ANKRD17: variants seen among roughly 807,000 people sequenced by gnomAD.
The protein encoded by ANKRD17 is ankyrin repeat domain 17.
Under a neutral mutation model 229.7 loss-of-function variants are expected in ANKRD17, and 19 were observed. That is an observed-to-expected ratio of 0.08 (90% CI 0.06 to 0.12). The LOEUF (loss-of-function observed/expected upper bound fraction) is 0.12, where lower values mean the gene tolerates loss of function less well. Ranked by LOEUF, ANKRD17 falls within the 10% of genes least tolerant of loss-of-function variation. The probability of loss-of-function intolerance (pLI) is 1.00; values close to 1 mark genes in which losing one functional copy is unlikely to be tolerated. For missense variants in ANKRD17, 2,176 were observed against 3,176.8 expected (o/e 0.68, Z 7.57); for synonymous variants, 1,112 against 1,146.1 (o/e 0.97, Z 0.60).
chr4:73,154,391 G>A (rs1238870336), intron 5 of ANKRD17, among the ~76,000 whole-genome samples: 1 of 152,036 alleles, frequency 6.6e-6, no homozygotes, highest in Non-Finnish European at 1.5e-5. Flanking sequence ...AGTTGTAAAA[G>A]AACTGGGCAA....
At position 73,081,358 on chromosome 4, in the gene ANKRD17, A is replaced by AAG. The variant is rs371917704; in HGVS notation, c.7160-2470_7160-2469dup. Among the ~76,000 whole-genome samples the AAG allele has an allele frequency of 9.2e-3, 1,362 of 148,014 alleles. 17 individuals carry two copies. The highest frequency in any genetic ancestry group is 0.031 in the Middle Eastern group (9 of 290). ...ATGAGTGAGAGACCACAAATCCTCTAAGAGAGAGAGAGAGAGAGAATAGCT... is the reference window on the plus strand; with the variant it reads ...ATGAGTGAGAGACCACAAATCCTCTAAGAGAGAGAGAGAGAGAGAGAATAGCT... On this transcript the variant is annotated intron_variant, in intron 30 of 33. Transcript: ENST00000358602.
At chr4:73,148,727 A>G in intron 8 of ANKRD17, 86 bp downstream of exon 8, 1 of 1,207,894 alleles carries the variant, frequency 8.3e-7, no homozygotes, top group Non-Finnish European at 1.2e-6. Context: ...TCTACTAGAA[A>G]GGTGAAATAC....
intron 1 of ANKRD17, among the ~76,000 whole-genome samples, chr4:73,191,233 A>C (rs1177693537): frequency 1.3e-5 from 2 of 152,128 alleles, no homozygotes; most frequent in Non-Finnish European, 2.9e-5. Flanking sequence ...ATAAAGTGTG[A>C]TAAAGGTAAG....
chr4:73,073,785 T>C lies in ANKRD17; in HGVS notation c.*2446A>G, dbSNP rs964643968. ...TTGAAAAGGCATGAAATGTGGAATT[T>C]TGTTGGGAATGGATGGTATAAACTG... On this transcript the variant is annotated 3_prime_UTR_variant, in exon 34 of 34. Coordinates refer to ENST00000358602, the MANE Select transcript of ANKRD17 (RefSeq NM_032217.5). 3.9e-5 allele frequency: 6 copies of C among 151,974 alleles called. No homozygotes were observed. The highest frequency in any genetic ancestry group is 7.4e-5 in the Non-Finnish European group (5 of 67,862). The allele number at this position is 151,974 out of a possible 1,614,324, so 9.4% of individuals were successfully genotyped here.
chr4:73,221,003 T>C (rs530644988), intron 1 of ANKRD17, among the ~76,000 whole-genome samples: 1 of 152,254 alleles, frequency 6.6e-6, no homozygotes, highest in African/African-American at 2.4e-5. Context: ...AATGGTACAT[T>C]TATCTGCAAA....
At chr4:73,215,277 T>TC (rs977874786) in intron 1 of ANKRD17, among the ~76,000 whole-genome samples, 10 of 152,040 alleles carry the variant, frequency 6.6e-5, no homozygotes, top group Non-Finnish European at 1.0e-4. Context: ...TTTTTTTTTT[T>TC]TGAGATGGAG....
At chr4:73,169,299 G>A (rs1392177734) in intron 2 of ANKRD17, among the ~76,000 whole-genome samples, 1 of 152,060 alleles carries the variant, frequency 6.6e-6, no homozygotes, top group Admixed American at 6.6e-5. Flanking sequence ...ACTATGCTTG[G>A]GCGCCATTTT....
chr4:73,258,463 T>C lies in ANKRD17; in HGVS notation c.206A>G (p.Gln69Arg). 6.2e-7 allele frequency: 1 copy of C among 1,604,086 alleles called. No individual in the cohort carries two copies. The highest frequency in any genetic ancestry group is 8.5e-7 in the Non-Finnish European group (1 of 1,176,330). The part of the protein sequence containing the change: ...DLLLKKKPPQ[Q>R]QHHKAKRNRT... ...GTTACGCTTGGCCTTGTGGTGCTGC[T>C]GCTGCGGCGGCTTCTTCTTCAGGAG... is the stretch of plus-strand genomic sequence containing the variant. Residue 69 changes from glutamine to arginine, a missense_variant, in exon 1 of 34, where the codon CAG (glutamine) becomes CGG (arginine). Around this residue, in one of 18 missense-constraint regions of ANKRD17, gnomAD observed 196 missense variants for 190.0 expected, o/e 1.03. Coordinates refer to ENST00000358602, the MANE Select transcript of ANKRD17 (RefSeq NM_032217.5).
intron 3 of ANKRD17, among the ~76,000 whole-genome samples, chr4:73,157,156 A>T (rs1209924531): frequency 1.3e-5 from 2 of 152,204 alleles, no homozygotes; most frequent in Non-Finnish European, 2.9e-5. Context: ...AAAATTTTTT[A>T]TAAAATTTAA....
chr4:73,248,981 T>TCA, intron 1 of ANKRD17, among the ~76,000 whole-genome samples: 1 of 151,834 alleles, frequency 6.6e-6, no homozygotes, highest in South Asian at 2.1e-4. Flanking sequence ...AACAATGGGG[T>TCA]CAAAGGCATT....
intron 1 of ANKRD17, among the ~76,000 whole-genome samples, chr4:73,214,407 A>G (rs920492683): frequency 6.6e-6 from 1 of 152,226 alleles, no homozygotes; most frequent in African/African-American, 2.4e-5. Flanking sequence ...AGTGTGGTCC[A>G]TGGGATCTAT....
intron 21 of ANKRD17, among the ~76,000 whole-genome samples, chr4:73,119,265 A>G (rs1379138493): frequency 2.6e-5 from 4 of 152,184 alleles, no homozygotes; most frequent in Admixed American, 2.6e-4. Flanking sequence ...GTAAAGATAA[A>G]AATTGTTTTC....
intron 1 of ANKRD17, among the ~76,000 whole-genome samples, chr4:73,206,226 C>T (rs1222865725): frequency 6.6e-6 from 1 of 152,106 alleles, no homozygotes; most frequent in African/African-American, 2.4e-5. Context: ...AGCAATCCCA[C>T]TTCTGGACAC....
At chr4:73,251,656 T>C (rs1276723111) in intron 1 of ANKRD17, among the ~76,000 whole-genome samples, 1 of 152,020 alleles carries the variant, frequency 6.6e-6, no homozygotes, top group Non-Finnish European at 1.5e-5. Context: ...CGCATACCAA[T>C]GTGAAGTAAA....
At chr4:73,119,118 C>T (rs768960077) in intron 21 of ANKRD17, among the ~76,000 whole-genome samples, 2 of 151,950 alleles carry the variant, frequency 1.3e-5, no homozygotes, top group Admixed American at 1.3e-4. Context: ...AACTCCTGGG[C>T]TCAAGTAATC....
chr4:73,187,121 C>T (rs1267646256), intron 1 of ANKRD17, among the ~76,000 whole-genome samples: 1 of 152,066 alleles, frequency 6.6e-6, no homozygotes, highest in Admixed American at 6.5e-5. Context: ...AAATACAGCA[C>T]CAGATGCTAG....
chr4:73,156,278 C>T (rs1156947190), intron 3 of ANKRD17, 112 bp from the exon 4 acceptor site: 1 of 1,311,940 alleles, frequency 7.6e-7, no homozygotes, highest in Non-Finnish European at 1.0e-6. Flanking sequence ...CGGAGTCTTG[C>T]TCTGTCACCC....
intron 16 of ANKRD17, among the ~76,000 whole-genome samples, chr4:73,130,690 AAAC>A (rs1560565695): frequency 6.6e-6 from 1 of 152,074 alleles, no homozygotes; most frequent in African/African-American, 2.4e-5. Flanking sequence ...CTCAGAATAA[AAAC>A]AACAAGCAGT....
At chr4:73,195,782 C>T (rs996705748) in intron 1 of ANKRD17, among the ~76,000 whole-genome samples, 8 of 152,142 alleles carry the variant, frequency 5.3e-5, no homozygotes, top group Admixed American at 2.0e-4. Context: ...GCTGGGATTA[C>T]AGGCATGAGC....
Sources: allele counts gnomAD v4.1 joint callset (sites outside exome capture counted in the v4.1 genomes callset), GRCh38; gene constraint gnomAD v4.1.1; regional missense constraint gnomAD v4.1.1; transcripts MANE v1.5; gene names NCBI Gene and HGNC (gene_info 2026-07-23, HGNC 2026-07-21).